Variants in PCDHGA8 observed in about 807,000 individuals in gnomAD.
The protein encoded by PCDHGA8 is protocadherin gamma subfamily A, 8.
In PCDHGA8, 45 loss-of-function variants were observed where a neutral mutation model predicts 59.2. That is an observed-to-expected ratio of 0.76 (90% CI 0.60 to 0.98). The LOEUF is 0.98. Among genes scored for constraint, PCDHGA8 ranks in the 50% least tolerant of loss-of-function variants. The pLI is 0.00. For missense variants in PCDHGA8, 1,257 were observed against 1,196.2 expected (o/e 1.05, Z -0.75); for synonymous variants, 531 against 519.0 (o/e 1.02, Z -0.32).
intron 1 of PCDHGA8, chr5:141,403,965 A>G: frequency 6.2e-7 from 1 of 1,613,864 alleles, no homozygotes; most frequent in Non-Finnish European, 8.5e-7. Flanking sequence ...ATTTCGGTGG[A>G]AGATGTAAAT....
chr5:141,468,300 G>C (rs2099162063), intron 1 of PCDHGA8, among the ~76,000 whole-genome samples: 1 of 146,430 alleles, frequency 6.8e-6, no homozygotes, highest in Non-Finnish European at 1.5e-5. Flanking sequence ...ACCCCAGCCT[G>C]GGCAACAAGA....
chr5:141,392,782 A>G lies in PCDHGA8; in HGVS notation c.-32A>G, dbSNP rs1375306296. ...AATAAGACCCATTTATGCACAGTGA[A>G]GATTCTGAGAGGATTCTGCAGCAAA... is the stretch of plus-strand genomic sequence containing the variant. On this transcript the variant is annotated 5_prime_UTR_variant, in exon 1 of 4. Transcript: ENST00000398604. 1 of 1,540,122 alleles carries G rather than the reference A, an allele frequency of 6.5e-7. No individual in the cohort carries two copies. Among genetic ancestry groups the G allele is most frequent in the Non-Finnish European group, 8.7e-7 (1 of 1,145,536 alleles).
At chr5:141,494,733 C>G in intron 1 of PCDHGA8, 74 bp from the exon 2 acceptor site, 1 of 1,610,826 alleles carries the variant, frequency 6.2e-7, no homozygotes, top group South Asian at 1.1e-5. Flanking sequence ...CTCTCCCGGC[C>G]CATCCCTAGG....
At position 141,430,919 on chromosome 5, in the gene PCDHGA8, C is replaced by A. The variant is rs377613499; in HGVS notation, c.2424+35682C>A. The A allele has an allele frequency of 6.2e-7, 1 of 1,607,492 alleles. No homozygotes were observed. Among genetic ancestry groups the A allele is most frequent in the Admixed American group, 1.7e-5 (1 of 58,806 alleles). The stretch of plus-strand genomic sequence containing the variant: ...GGGCGACATCTCCAGGGACCTGGGG[C>A]TGGAGCCCCGGGAGCTCGCGGAGCG... On this transcript the variant is annotated intron_variant, in intron 1 of 3. Transcript: ENST00000398604.
At chr5:141,441,852 G>A in intron 1 of PCDHGA8, 1 of 352,826 alleles carries the variant, frequency 2.8e-6, no homozygotes, top group South Asian at 2.4e-5. Flanking sequence ...TGGATATGGT[G>A]CTGCACGCCG....
Position 141,486,656 on chromosome 5 carries a change from C to A in PCDHGA8, c.2425-8151C>A. 6.2e-7 allele frequency: 1 copy of A among 1,614,020 alleles called. No homozygotes were observed. Among genetic ancestry groups the A allele is most frequent in the Non-Finnish European group, 8.5e-7 (1 of 1,180,038 alleles). On this transcript the variant is annotated intron_variant, in intron 1 of 3. Transcript: ENST00000398604. This position sits in a 1 kb window ranked among gnomAD's most constrained non-coding sequence, Gnocchi z 5.0. ...GAATGCGCTTATCTCCTACTCACTCCTGGAGCCCAGGAATCGAGATGTATC... is the reference window on the plus strand; with the variant it reads ...GAATGCGCTTATCTCCTACTCACTCATGGAGCCCAGGAATCGAGATGTATC...
rs763001349 is a variant in PCDHGA8 at position 141,398,988 on chromosome 5, C to A, written c.2424+3751C>A. 1.9e-6 allele frequency: 3 copies of A among 1,613,832 alleles called. No homozygotes were observed. The African/African-American group carries it at 4.0e-5, about 22-fold the overall frequency. On this transcript the variant is annotated intron_variant, in intron 1 of 3. Coordinates refer to ENST00000398604, the MANE Select transcript of PCDHGA8 (RefSeq NM_032088.2). Reference sequence around the variant, plus strand: ...ATTCCTTCTACAGAACCGGGCAAATCTTTAGTCTGAATTCAAAGAGCGGAG... The same window carrying A: ...ATTCCTTCTACAGAACCGGGCAAATATTTAGTCTGAATTCAAAGAGCGGAG...
intron 1 of PCDHGA8, chr5:141,428,441 G>C: frequency 2.6e-6 from 1 of 389,280 alleles, no homozygotes; most frequent in Non-Finnish European, 4.9e-6. Context: ...ACTAGACCAG[G>C]GGTTTTTCCC....
chr5:141,435,260 T>C (rs1591368331), intron 1 of PCDHGA8, among the ~76,000 whole-genome samples: 1 of 152,236 alleles, frequency 6.6e-6, no homozygotes, highest in African/African-American at 2.4e-5. Context: ...TAGGGATATG[T>C]CCATTTATAC....
chr5:141,401,815 C>G (rs1217081146), intron 1 of PCDHGA8, among the ~76,000 whole-genome samples: 1 of 152,184 alleles, frequency 6.6e-6, no homozygotes, highest in Non-Finnish European at 1.5e-5. Flanking sequence ...GGGTTCCTTA[C>G]AAAGTGCTGA....
At position 141,496,266 on chromosome 5, in the gene PCDHGA8, AAGACCTTC is replaced by A. The variant is rs2099767586; in HGVS notation, c.2483+1404_2483+1411del. Among the ~76,000 whole-genome samples the A allele has an allele frequency of 2.0e-5, 3 of 152,152 alleles. No homozygotes were observed. The South Asian group carries it at 6.2e-4, about 32-fold the overall frequency. Reference sequence around the variant, plus strand: ...TGAAGGGGAGGGAAACTTCAGCAGAAAGACCTTCAGTTGGTCTGAGCAGAGTGGGATAG... The same window carrying A: ...TGAAGGGGAGGGAAACTTCAGCAGAAAGTTGGTCTGAGCAGAGTGGGATAG... On this transcript the variant is annotated intron_variant, in intron 2 of 3. Coordinates refer to ENST00000398604, the MANE Select transcript of PCDHGA8 (RefSeq NM_032088.2).
At chr5:141,416,217 G>A (rs1224952837) in intron 1 of PCDHGA8, 1 of 152,288 alleles carries the variant, frequency 6.6e-6, no homozygotes, top group Non-Finnish European at 1.5e-5. Flanking sequence ...AACAATGTAT[G>A]CTTAGATTTT....
At chr5:141,452,065 T>A (rs185791618) in intron 1 of PCDHGA8, among the ~76,000 whole-genome samples, 1 of 152,332 alleles carries the variant, frequency 6.6e-6, no homozygotes, top group Non-Finnish European at 1.5e-5. Flanking sequence ...TTATTCTACT[T>A]TTATTAGTTG....
At chr5:141,504,671 G>C (rs1459848730) in intron 2 of PCDHGA8, among the ~76,000 whole-genome samples, 1 of 111,068 alleles carries the variant, frequency 9.0e-6, no homozygotes, top group East Asian at 3.2e-4. Context: ...GGGGGGTGGG[G>C]GTTCTTGTAA....
At chr5:141,430,751 A>G in intron 1 of PCDHGA8, 1 of 1,496,066 alleles carries the variant, frequency 6.7e-7, no homozygotes, top group Non-Finnish European at 8.9e-7. Context: ...ATTCTGGAGG[A>G]AGATAAGAAT....
intron 2 of PCDHGA8, among the ~76,000 whole-genome samples, chr5:141,501,333 A>ACACACC (rs1186649373): frequency 1.5e-4 from 21 of 140,134 alleles, no homozygotes; most frequent in African/African-American, 3.4e-4. Flanking sequence ...ACACACACAC[A>ACACACC]CCCCAAACTC....
At chr5:141,406,109 G>C (rs2094766123) in intron 1 of PCDHGA8, among the ~76,000 whole-genome samples, 1 of 144,746 alleles carries the variant, frequency 6.9e-6, no homozygotes, top group South Asian at 2.2e-4. Flanking sequence ...GTGTCATTCT[G>C]TTGTCCAGGG....
At chr5:141,444,183 T>G (rs2098423667) in intron 1 of PCDHGA8, among the ~76,000 whole-genome samples, 1 of 138,396 alleles carries the variant, frequency 7.2e-6, no homozygotes, top group African/African-American at 2.8e-5. Flanking sequence ...TTTTTTTTTT[T>G]TTTTTGAGAT....
Position 141,489,465 on chromosome 5 carries a change from T to C in PCDHGA8, c.2425-5342T>C. On this transcript the variant is annotated intron_variant, in intron 1 of 3. Transcript: ENST00000398604. The surrounding 1 kb of genome is among the most constrained non-coding windows in gnomAD (Gnocchi z 4.5). The stretch of plus-strand genomic sequence containing the variant: ...GCTCTGAGGAGAATGGGCGCTATTT[T>C]TCCCTGAGCTTGATGAGTGGTGCCC... The C allele has an allele frequency of 1.2e-6, 2 of 1,614,082 alleles. No homozygotes were observed. The highest frequency in any genetic ancestry group is 1.3e-5 in the African/African-American group (1 of 75,042).
Sources: allele counts gnomAD v4.1 joint callset (sites outside exome capture counted in the v4.1 genomes callset), GRCh38; gene constraint gnomAD v4.1.1; non-coding constraint Gnocchi (gnomAD v3.1); transcripts MANE v1.5; gene names NCBI Gene and HGNC (gene_info 2026-07-23, HGNC 2026-07-21).